KIAA1217: variants seen among roughly 807,000 people sequenced by gnomAD.
KIAA1217 encodes KIAA1217.
Under a neutral mutation model 163.9 loss-of-function variants are expected in KIAA1217, and 88 were observed. The observed-to-expected ratio is 0.54, with a 90% CI of 0.45 to 0.64. KIAA1217 has a LOEUF of 0.64. KIAA1217 is among the 30% of genes least tolerant of loss of function. The pLI is 0.00. For synonymous variants in KIAA1217, 903 were observed against 923.1 expected (o/e 0.98, Z 0.39); for missense variants, 2,372 against 2,475.0 (o/e 0.96, Z 0.88).
intron 3 of KIAA1217, among the ~76,000 whole-genome samples, chr10:24,403,642 TAAAACTC>T (rs2131138140): frequency 6.6e-6 from 1 of 152,302 alleles, no homozygotes; most frequent in Admixed American, 6.5e-5. Context: ...AAAGAACTCT[TAAAACTC>T]AATAGTGAAA....
In KIAA1217 at chr10:23,845,959, G is replaced by T. The variant is rs557739354; in HGVS notation, c.-321+150725G>T. ...TCAGTTTTCTGCATATGGCTAGCCA[G>T]TTTTTCCAATAGCATTTATTGAATA... On this transcript the variant is annotated intron_variant, in intron 1 of 18. Coordinates refer to the KIAA1217 transcript ENST00000376462. Among the ~76,000 whole-genome samples, 12 of 152,250 alleles carry T rather than the reference G, an allele frequency of 7.9e-5. No individual in the cohort carries two copies. In the East Asian group the frequency reaches 2.3e-3, roughly 29 times the overall value.
intron 1 of KIAA1217, among the ~76,000 whole-genome samples, chr10:23,831,191 A>G (rs1838175562): frequency 6.6e-6 from 1 of 152,194 alleles, no homozygotes; most frequent in Non-Finnish European, 1.5e-5. Context: ...GGGGAAATTG[A>G]CATAGACAAT....
chr10:24,203,173 T>A (rs971163050), intron 2 of KIAA1217, among the ~76,000 whole-genome samples: 8 of 109,338 alleles, frequency 7.3e-5, no homozygotes, highest in African/African-American at 6.7e-5. Flanking sequence ...GGTGGTGGAG[T>A]AAAAACTTGT....
intron 1 of KIAA1217, among the ~76,000 whole-genome samples, chr10:23,858,532 A>G (rs1442387811): frequency 1.3e-5 from 2 of 152,140 alleles, no homozygotes; most frequent in Admixed American, 6.6e-5. Context: ...ACATGTCTAT[A>G]GCAGATATCA....
At chr10:24,312,066 C>A (rs934147006) in intron 2 of KIAA1217, among the ~76,000 whole-genome samples, 1 of 152,098 alleles carries the variant, frequency 6.6e-6, no homozygotes, top group Non-Finnish European at 1.5e-5. Flanking sequence ...GAGAAGCAGG[C>A]AATGTCATCA....
chr10:23,897,580 T>A (rs1324781942), intron 1 of KIAA1217, among the ~76,000 whole-genome samples: 1 of 152,008 alleles, frequency 6.6e-6, no homozygotes, highest in Admixed American at 6.6e-5. Context: ...GTACCTGGGG[T>A]GAATCACAAT....
At chr10:23,797,779 C>T (rs113101294) in intron 1 of KIAA1217, among the ~76,000 whole-genome samples, 148 of 152,332 alleles carry the variant, frequency 9.7e-4, no homozygotes, top group Non-Finnish European at 1.7e-3. Flanking sequence ...TCCCCCAACA[C>T]TGGGAATTAA....
chr10:24,355,076 A>G (rs970913513), intron 2 of KIAA1217, among the ~76,000 whole-genome samples: 10 of 152,220 alleles, frequency 6.6e-5, no homozygotes, highest in Non-Finnish European at 2.9e-5. Context: ...GTAGGTAAGA[A>G]GCTTGAAGAT....
intron 1 of KIAA1217, among the ~76,000 whole-genome samples, chr10:23,852,825 C>T (rs371395121): frequency 2.6e-5 from 4 of 151,886 alleles, no homozygotes; most frequent in Admixed American, 6.6e-5. Context: ...TTGTCTGTTG[C>T]TGGTGTATAA....
At chr10:24,323,652 T>G (rs1024927369) in intron 2 of KIAA1217, among the ~76,000 whole-genome samples, 1 of 152,180 alleles carries the variant, frequency 6.6e-6, no homozygotes, top group Non-Finnish European at 1.5e-5. Flanking sequence ...TGCTTTGTAA[T>G]GCCATTGTAA....
intron 2 of KIAA1217, among the ~76,000 whole-genome samples, chr10:24,030,748 A>G (rs1392152397): frequency 1.3e-5 from 2 of 152,190 alleles, no homozygotes; most frequent in African/African-American, 4.8e-5. Flanking sequence ...GGAACCTCAC[A>G]TAAGTAGGAT....
intron 2 of KIAA1217, among the ~76,000 whole-genome samples, chr10:24,369,292 A>G (rs1231067032): frequency 6.7e-6 from 1 of 148,634 alleles, no homozygotes; most frequent in Admixed American, 6.8e-5. Flanking sequence ...GGGAGGGGGA[A>G]TGTGTTTGAA....
chr10:23,939,737 G>A (rs965380641), intron 1 of KIAA1217, among the ~76,000 whole-genome samples: 2 of 151,266 alleles, frequency 1.3e-5, no homozygotes, highest in Non-Finnish European at 2.9e-5. Flanking sequence ...GTATATAGAA[G>A]ACTTAAACAA....
intron 1 of KIAA1217, among the ~76,000 whole-genome samples, chr10:23,942,770 C>T (rs75221744): frequency 0.025 from 3,817 of 152,210 alleles, 156 homozygotes; most frequent in African/African-American, 0.086. Flanking sequence ...CTCCTGACTT[C>T]TATTCAACAC....
chr10:24,179,673 C>G (rs1292452628), intron 2 of KIAA1217, among the ~76,000 whole-genome samples: 1 of 152,162 alleles, frequency 6.6e-6, no homozygotes, highest in Non-Finnish European at 1.5e-5. Context: ...ACTGCAACTT[C>G]CACCTCCCGG....
chr10:24,181,421 A>G (rs12776241), intron 2 of KIAA1217, among the ~76,000 whole-genome samples: 48,461 of 152,072 alleles, frequency 0.32, 8,527 homozygotes, highest in South Asian at 0.42. Flanking sequence ...GAGGGACAGC[A>G]GACAAGATCA....
chr10:23,948,589 G>A (rs967026717), intron 1 of KIAA1217, among the ~76,000 whole-genome samples: 2 of 152,082 alleles, frequency 1.3e-5, no homozygotes, highest in South Asian at 4.1e-4. Context: ...TATCAAAAAG[G>A]CTTATCTGCT....
chr10:24,375,101 C>T (rs902305316), intron 2 of KIAA1217, among the ~76,000 whole-genome samples: 30 of 152,106 alleles, frequency 2.0e-4, no homozygotes, highest in African/African-American at 5.6e-4. Flanking sequence ...GCTCGCTGTT[C>T]GAAATATACA....
At chr10:23,802,420 T>A (rs891089142) in intron 1 of KIAA1217, among the ~76,000 whole-genome samples, 21 of 152,254 alleles carry the variant, frequency 1.4e-4, no homozygotes, top group African/African-American at 5.1e-4. Context: ...CAGCCATAGT[T>A]TATCTACCTT....
Sources: allele counts gnomAD v4.1 joint callset (sites outside exome capture counted in the v4.1 genomes callset), GRCh38; gene constraint gnomAD v4.1.1; transcripts MANE v1.5; gene names NCBI Gene and HGNC (gene_info 2026-07-23, HGNC 2026-07-21).